IGFBP5: variants seen among roughly 807,000 people sequenced by gnomAD.
The protein encoded by IGFBP5 is insulin like growth factor binding protein 5.
Under a neutral mutation model 28.0 loss-of-function variants are expected in IGFBP5, and 12 were observed. The ratio of observed to expected loss-of-function variants is 0.43; its 90% CI spans 0.27 to 0.69. The LOEUF is 0.69. Among genes scored for constraint, IGFBP5 ranks in the 30% least tolerant of loss-of-function variants. IGFBP5 has a pLI of 0.20. For missense variants in IGFBP5, 344 were observed against 381.6 expected, an observed-to-expected ratio of 0.90 and a Z score of 0.82; for synonymous variants, 152 against 150.2, an observed-to-expected ratio of 1.01 and a Z score of -0.09.
Position 216,695,065 on chromosome 2 carries a change from A to G in IGFBP5, c.-290T>C, listed in dbSNP as rs556935396. ...TGAGCGGAGGCCGGAGAAACCCTCA[A>G]GCCTGAGCGGGTCAGAATTATAGGG... On this transcript the variant is annotated 5_prime_UTR_variant, in exon 1 of 4. Coordinates refer to ENST00000233813, the MANE Select transcript of IGFBP5 (RefSeq NM_000599.4). 1.3e-5 allele frequency: 4 copies of G among 315,088 alleles called. No individual in the cohort carries two copies. The highest frequency in any genetic ancestry group is 2.3e-5 in the Non-Finnish European group (4 of 173,340). The allele number at this position is 315,088 out of a possible 1,614,324, so 19.5% of individuals were successfully genotyped here.
intron 1 of IGFBP5, among the ~76,000 whole-genome samples, chr2:216,693,885 T>G (rs1429059023): frequency 1.3e-5 from 2 of 150,102 alleles, no homozygotes; most frequent in Non-Finnish European, 3.0e-5. Context: ...GTTTGTGGTG[T>G]GTGTGTAGGG....
At chr2:216,689,911 G>T (rs895984108) in intron 1 of IGFBP5, among the ~76,000 whole-genome samples, 1 of 152,146 alleles carries the variant, frequency 6.6e-6, no homozygotes, top group African/African-American at 2.4e-5. Flanking sequence ...AGTGGCCAAG[G>T]TGGGAATATA....
intron 1 of IGFBP5, among the ~76,000 whole-genome samples, chr2:216,690,871 G>T (rs1015450420): frequency 3.4e-5 from 5 of 147,874 alleles, no homozygotes; most frequent in Non-Finnish European, 7.5e-5. Flanking sequence ...ACAGCAGAAA[G>T]GTGGGGGAGG....
rs191361982 is a variant in IGFBP5 at position 216,691,603 on chromosome 2, C to T, written c.337+2836G>A. 5.1e-3 allele frequency among the ~76,000 whole-genome samples: 781 copies of T among 152,236 alleles called. 4 individuals carry two copies. The highest frequency in any genetic ancestry group is 9.0e-3 in the Non-Finnish European group (613 of 68,026). ...AGGCTCGCTCTCAGCACCCTGCTCT[C>T]GGGCCCACTCCCTCTCCAGTTGCTC... On this transcript the variant is annotated intron_variant, in intron 1 of 3. Coordinates refer to ENST00000233813, the MANE Select transcript of IGFBP5 (RefSeq NM_000599.4).
Position 216,674,363 on chromosome 2 carries a change from C to T in IGFBP5, c.*2388G>A, listed in dbSNP as rs1431777026. On this transcript the variant is annotated 3_prime_UTR_variant, in exon 4 of 4. Coordinates refer to ENST00000233813, the MANE Select transcript of IGFBP5 (RefSeq NM_000599.4). This position sits in a 1 kb window ranked among gnomAD's most constrained non-coding sequence, Gnocchi z 4.4. ...GGTCAAGGCCTTGTGGCTGCTGGCC[C>T]TATCGGGCCCCTTTGTCTCATGAAG... The T allele has an allele frequency of 6.5e-6, 1 of 153,152 alleles. No individual in the cohort carries two copies. The highest frequency in any genetic ancestry group is 1.5e-5 in the Non-Finnish European group (1 of 68,104). The allele number at this position is 153,152 out of a possible 1,614,324, so 9.5% of individuals were successfully genotyped here. A position where few individuals can be genotyped will look rare whatever the true frequency, so the allele number is the denominator to read the frequency against.
At chr2:216,683,055 A>G (rs544033987) in intron 1 of IGFBP5, among the ~76,000 whole-genome samples, 1 of 152,116 alleles carries the variant, frequency 6.6e-6, no homozygotes, top group African/African-American at 2.4e-5. Flanking sequence ...GCGGTGGCTC[A>G]TATCTCTAAT....
chr2:216,677,120 T>G (rs534032276), intron 3 of IGFBP5, among the ~76,000 whole-genome samples: 1 of 151,952 alleles, frequency 6.6e-6, no homozygotes, highest in Non-Finnish European at 1.5e-5. Flanking sequence ...TTTTTTTTTT[T>G]CAGACATGGG....
chr2:216,684,889 G>A (rs1689017434), intron 1 of IGFBP5, among the ~76,000 whole-genome samples: 1 of 152,228 alleles, frequency 6.6e-6, no homozygotes, highest in South Asian at 2.1e-4. Context: ...CCTGCCGCAG[G>A]GCACAGGGAA....
rs1048117043 is a variant in IGFBP5 at position 216,672,548 on chromosome 2, A to G, written c.*4203T>C. 3 of 152,556 alleles carry G rather than the reference A, an allele frequency of 2.0e-5. No homozygotes were observed. The highest frequency in any genetic ancestry group is 2.0e-4 in the Admixed American group (3 of 15,276). The allele number at this position is 152,556 out of a possible 1,614,324, so 9.5% of individuals were successfully genotyped here. On this transcript the variant is annotated 3_prime_UTR_variant, in exon 4 of 4. Coordinates refer to ENST00000233813, the MANE Select transcript of IGFBP5 (RefSeq NM_000599.4). ...AAAAAAGAAAAAGAAAAACAACAAC[A>G]ACAACAACGAAAACAACCGGTAGGC... is the stretch of plus-strand genomic sequence containing the variant.
intron 1 of IGFBP5, among the ~76,000 whole-genome samples, chr2:216,688,893 G>C (rs1207193431): frequency 2.0e-5 from 3 of 152,130 alleles, no homozygotes; most frequent in African/African-American, 7.2e-5. Context: ...GTATTAGAAT[G>C]GGTCTCAGCA....
intron 1 of IGFBP5, among the ~76,000 whole-genome samples, chr2:216,680,396 G>T (rs1688959103): frequency 6.6e-6 from 1 of 152,208 alleles, no homozygotes; most frequent in African/African-American, 2.4e-5. Flanking sequence ...TCCAGGAAGT[G>T]GGGGTGGGGT....
chr2:216,689,858 CACTA>C (rs779967966), intron 1 of IGFBP5, among the ~76,000 whole-genome samples: 3 of 152,194 alleles, frequency 2.0e-5, no homozygotes, highest in East Asian at 3.8e-4. Context: ...AGTGGCCAGG[CACTA>C]ACTAACTAAC....
Position 216,694,913 on chromosome 2 carries a change from T to G in IGFBP5, c.-138A>C. The G allele has an allele frequency of 1.9e-6, 1 of 521,584 alleles. No homozygotes were observed. The highest frequency in any genetic ancestry group is 3.0e-6 in the Non-Finnish European group (1 of 330,430). The allele number at this position is 521,584 out of a possible 1,614,324, so 32.3% of individuals were successfully genotyped here. The stretch of plus-strand genomic sequence containing the variant: ...TTTCTGGCAGGTAGAGCAGGTGCCC[T>G]CCCCCAGACACTTGCAAAAATGTAG... On this transcript the variant is annotated 5_prime_UTR_variant, in exon 1 of 4. Transcript: ENST00000233813. The surrounding 1 kb of genome is among the most constrained non-coding windows in gnomAD (Gnocchi z 5.2).
intron 3 of IGFBP5, 90 bp downstream of exon 3, chr2:216,678,022 G>T: frequency 2.4e-6 from 3 of 1,270,554 alleles, no homozygotes; most frequent in Non-Finnish European, 3.1e-6. Flanking sequence ...GTTAACGGTG[G>T]AAACCTTAGG....
At chr2:216,688,572 A>G (rs1012107362) in intron 1 of IGFBP5, among the ~76,000 whole-genome samples, 1 of 152,188 alleles carries the variant, frequency 6.6e-6, no homozygotes, top group Non-Finnish European at 1.5e-5. Context: ...AAGAAGAGTC[A>G]TCCTGGCTGA....
intron 1 of IGFBP5, among the ~76,000 whole-genome samples, chr2:216,684,054 C>A (rs6754724): frequency 2.1e-4 from 32 of 152,340 alleles, no homozygotes; most frequent in Admixed American, 5.9e-4. Context: ...TCCTCTATGT[C>A]CTGGCAAACA....
chr2:216,685,942 C>T (rs1363473273), intron 1 of IGFBP5, among the ~76,000 whole-genome samples: 4 of 151,496 alleles, frequency 2.6e-5, no homozygotes, highest in East Asian at 1.9e-4. Context: ...ATGCATGTTC[C>T]GGGTTCTTTT....
intron 1 of IGFBP5, among the ~76,000 whole-genome samples, chr2:216,687,973 T>C (rs1689051473): frequency 6.6e-6 from 1 of 152,184 alleles, no homozygotes; most frequent in Admixed American, 6.5e-5. Context: ...CTTTTTTGAG[T>C]CTTTGGGAGC....
rs115668085 is a variant in IGFBP5 at position 216,692,142 on chromosome 2, C to G, written c.337+2297G>C. The stretch of plus-strand genomic sequence containing the variant: ...AGCGCCCACTCCCATCCCATCTGTT[C>G]GGGAAGAAGATGTCGGCACCAGCAG... On this transcript the variant is annotated intron_variant, in intron 1 of 3. Coordinates refer to ENST00000233813, the MANE Select transcript of IGFBP5 (RefSeq NM_000599.4). The surrounding 1 kb of genome is among the most constrained non-coding windows in gnomAD (Gnocchi z 4.2). Among the ~76,000 whole-genome samples, 381 of 152,242 alleles carry G rather than the reference C, an allele frequency of 2.5e-3. 3 individuals are homozygous for G. Among genetic ancestry groups the G allele is most frequent in the African/African-American group, 8.6e-3 (356 of 41,522 alleles).
Sources: allele counts gnomAD v4.1 joint callset (sites outside exome capture counted in the v4.1 genomes callset), GRCh38; gene constraint gnomAD v4.1.1; non-coding constraint Gnocchi (gnomAD v3.1); transcripts MANE v1.5; gene names NCBI Gene and HGNC (gene_info 2026-07-23, HGNC 2026-07-21).